SRBD1: variants seen among roughly 807,000 people sequenced by gnomAD.
SRBD1 encodes S1 RNA-binding domain-containing protein 1.
A neutral mutation model predicts 115.3 loss-of-function variants in SRBD1; 88 were observed. That is an observed-to-expected ratio of 0.76 (90% CI 0.64 to 0.91). The LOEUF (loss-of-function observed/expected upper bound fraction) is 0.91. SRBD1 is among the 40% of genes least tolerant of loss of function. The pLI is 0.00. For missense variants in SRBD1, 1,385 were observed against 1,177.4 expected, an observed-to-expected ratio of 1.18 and a Z score of -2.58; for synonymous variants, 509 against 407.7, an observed-to-expected ratio of 1.25 and a Z score of -2.99.
At chr2:45,435,569 A>C (rs78055644) in intron 16 of SRBD1, among the ~76,000 whole-genome samples, 3,484 of 73,348 alleles carry the variant, frequency 0.047, 134 homozygotes, top group African/African-American at 0.14. Flanking sequence ...GGAAAAAAAA[A>C]AAACAAAAAA....
chr2:45,562,799 T>C (rs374601921), intron 9 of SRBD1, 43 bp from the exon 10 acceptor site: 2 of 1,368,990 alleles, frequency 1.5e-6, no homozygotes, highest in Non-Finnish European at 2.0e-6. Flanking sequence ...CCACAAAATA[T>C]ATGAAACAAA....
At chr2:45,512,607 A>G (rs1396628280) in intron 14 of SRBD1, among the ~76,000 whole-genome samples, 5 of 152,200 alleles carry the variant, frequency 3.3e-5, no homozygotes, top group Non-Finnish European at 7.4e-5. Flanking sequence ...AAAGACAATC[A>G]TTGTGCTTTA....
chr2:45,427,124 T>C (rs1668177844), intron 16 of SRBD1, among the ~76,000 whole-genome samples: 1 of 152,176 alleles, frequency 6.6e-6, no homozygotes, highest in South Asian at 2.1e-4. Flanking sequence ...GAGGAATTGC[T>C]AACTAAAGGA....
At chr2:45,423,120 C>T (rs973457592) in intron 16 of SRBD1, among the ~76,000 whole-genome samples, 3 of 152,050 alleles carry the variant, frequency 2.0e-5, no homozygotes, top group African/African-American at 7.2e-5. Context: ...ATAAAAATGA[C>T]GGACCCCAGA....
chr2:45,391,171 A>G (rs1327389852), intron 20 of SRBD1, among the ~76,000 whole-genome samples: 1 of 152,192 alleles, frequency 6.6e-6, no homozygotes, highest in Non-Finnish European at 1.5e-5. Flanking sequence ...AGAGTCAGGA[A>G]CTACTTAACA....
At chr2:45,545,315 A>AAAAC (rs1209226372) in intron 14 of SRBD1, among the ~76,000 whole-genome samples, 15 of 123,618 alleles carry the variant, frequency 1.2e-4, no homozygotes, top group African/African-American at 2.5e-4. Context: ...AAAAAAAAAA[A>AAAAC]CAGATGAACC....
At chr2:45,546,870 A>C in intron 13 of SRBD1, 31 bp from the exon 14 acceptor site, 1 of 1,590,140 alleles carries the variant, frequency 6.3e-7, no homozygotes, top group African/African-American at 1.3e-5. Context: ...GACAAACTGA[A>C]TTTCAAGGCA....
intron 14 of SRBD1, among the ~76,000 whole-genome samples, chr2:45,537,409 G>A (rs1671794994): frequency 6.6e-6 from 1 of 152,122 alleles, no homozygotes; most frequent in African/African-American, 2.4e-5. Context: ...CCATTGGAAT[G>A]CAAACTTCAA....
chr2:45,526,623 T>A (rs558426208), intron 14 of SRBD1, among the ~76,000 whole-genome samples: 13 of 151,882 alleles, frequency 8.6e-5, no homozygotes, highest in Non-Finnish European at 1.5e-4. Context: ...AATATCTCAG[T>A]AAAACTGTTA....
chr2:45,520,177 T>C (rs1413862779), intron 14 of SRBD1, among the ~76,000 whole-genome samples: 2 of 152,226 alleles, frequency 1.3e-5, no homozygotes, highest in African/African-American at 4.8e-5. Context: ...GCTGTCAGCA[T>C]GAGCAGCACA....
intron 16 of SRBD1, among the ~76,000 whole-genome samples, chr2:45,424,797 C>G (rs1668104458): frequency 6.6e-6 from 1 of 152,136 alleles, no homozygotes; most frequent in South Asian, 2.1e-4. Context: ...TGGTCCCATT[C>G]TATTTATTCA....
rs187429071 is a variant in SRBD1 at position 45,591,835 on chromosome 2, C to A, written c.649-6061G>T. The stretch of plus-strand genomic sequence containing the variant: ...CATACTTATTACACTAAAGTGTTAA[C>A]TGAATGCAGACACCAGGGAGAAGCA... On this transcript the variant is annotated intron_variant, in intron 4 of 20. Transcript: ENST00000263736. Among the ~76,000 whole-genome samples the A allele has an allele frequency of 9.6e-4, 146 of 152,294 alleles. 1 individual carries two copies. The highest frequency in any genetic ancestry group is 3.4e-3 in the African/African-American group (143 of 41,552).
chr2:45,455,986 AAAGT>A (rs1006479790), intron 16 of SRBD1, among the ~76,000 whole-genome samples: 94 of 152,018 alleles, frequency 6.2e-4, no homozygotes, highest in African/African-American at 1.8e-3. Flanking sequence ...AAATATACAT[AAAGT>A]AATAAACACT....
intron 6 of SRBD1, among the ~76,000 whole-genome samples, chr2:45,580,905 G>C (rs1673340644): frequency 6.6e-6 from 1 of 150,426 alleles, no homozygotes; most frequent in Non-Finnish European, 1.5e-5. Context: ...GGCTGGTCTT[G>C]AACTCCTGAC....
chr2:45,581,829 G>A lies in SRBD1; in HGVS notation c.816-19C>T, dbSNP rs772902720. ...AACAGCCCTGAAAAGAGAAACTTTT[G>A]TAATATACCAAAACTGTATGTCAAA... On this transcript the variant is annotated intron_variant, in intron 5 of 20. Coordinates refer to ENST00000263736, the MANE Select transcript of SRBD1 (RefSeq NM_018079.5). 2 of 1,562,848 alleles carry A rather than the reference G, an allele frequency of 1.3e-6. No individual in the cohort carries two copies. Among genetic ancestry groups the A allele is most frequent in the South Asian group, 2.3e-5 (2 of 88,844 alleles).
chr2:45,439,987 T>C (rs1199197555), intron 16 of SRBD1, among the ~76,000 whole-genome samples: 1 of 152,156 alleles, frequency 6.6e-6, no homozygotes, highest in Non-Finnish European at 1.5e-5. Context: ...CCTCCCCAGA[T>C]GTCTCACCTC....
intron 16 of SRBD1, among the ~76,000 whole-genome samples, chr2:45,443,075 C>A (rs957544785): frequency 1.3e-5 from 2 of 152,060 alleles, no homozygotes; most frequent in Non-Finnish European, 2.9e-5. Flanking sequence ...TGTAAGTCTC[C>A]ATGGCAAGGA....
chr2:45,488,364 C>A, intron 14 of SRBD1, 33 bp from the exon 15 acceptor site: 1 of 1,581,476 alleles, frequency 6.3e-7, no homozygotes, highest in African/African-American at 1.3e-5. Context: ...ATATCACTTT[C>A]CTAACTTCCT....
At chr2:45,578,438 A>G (rs1673244033) in intron 7 of SRBD1, among the ~76,000 whole-genome samples, 1 of 152,178 alleles carries the variant, frequency 6.6e-6, no homozygotes, top group Admixed American at 6.5e-5. Context: ...TTACTTTTTC[A>G]TTATTGCCCT....
Sources: allele counts gnomAD v4.1 joint callset (sites outside exome capture counted in the v4.1 genomes callset), GRCh38; gene constraint gnomAD v4.1.1; transcripts MANE v1.5; gene names NCBI Gene and HGNC (gene_info 2026-07-23, HGNC 2026-07-21).